Variants in PDK1 observed in about 807,000 individuals in gnomAD.
PDK1 encodes the protein [Pyruvate dehydrogenase (acetyl-transferring)] kinase isozyme 1, mitochondrial.
In PDK1, 39 loss-of-function variants were observed where a neutral mutation model predicts 54.2. That is an observed-to-expected ratio of 0.72 (90% CI 0.56 to 0.94). PDK1 has a LOEUF of 0.94. Ranked by LOEUF, PDK1 falls within the 40% of genes least tolerant of loss-of-function variation. The probability of loss-of-function intolerance (pLI) is 0.00; values close to 1 mark genes in which losing one functional copy is unlikely to be tolerated. For synonymous variants in PDK1, 221 were observed against 207.1 expected, an observed-to-expected ratio of 1.07 and a Z score of -0.58; for missense variants, 552 against 566.0, an observed-to-expected ratio of 0.98 and a Z score of 0.25.
At chr2:172,629,551 C>T in the PDK1 span, among the ~76,000 whole-genome samples, 7 of 152,172 alleles carry the variant, frequency 4.6e-5, no homozygotes, top group Non-Finnish European at 8.8e-5. Context: ...CCCCCTATCC[C>T]GCTGAGAGCC....
chr2:172,620,563 C>A, the PDK1 span, among the ~76,000 whole-genome samples: 4 of 152,158 alleles, frequency 2.6e-5, no homozygotes, highest in Non-Finnish European at 5.9e-5. Context: ...CTGTCTCCCC[C>A]ACTCAAATCT....
chr2:172,622,627 C>CATAT, the PDK1 span, among the ~76,000 whole-genome samples: 6 of 139,842 alleles, frequency 4.3e-5, no homozygotes, highest in Admixed American at 2.9e-4. Flanking sequence ...ATGTTTATCT[C>CATAT]ATTATGTGAG....
chr2:172,721,338 G>A, the PDK1 span, among the ~76,000 whole-genome samples: 1 of 152,138 alleles, frequency 6.6e-6, no homozygotes, highest in Non-Finnish European at 1.5e-5. Context: ...AACTCCCATT[G>A]TATCTTTTTG....
chr2:172,627,340 C>T, the PDK1 span, among the ~76,000 whole-genome samples: 3 of 151,992 alleles, frequency 2.0e-5, no homozygotes, highest in Admixed American at 2.0e-4. Flanking sequence ...ATAAAATACT[C>T]TGTTGTGCCA....
At chr2:172,700,325 G>GCT in the PDK1 span, among the ~76,000 whole-genome samples, 1 of 149,648 alleles carries the variant, frequency 6.7e-6, no homozygotes, top group Non-Finnish European at 1.5e-5. Flanking sequence ...CTTCCCAGAC[G>GCT]GGGCGGCCGG....
the PDK1 span, among the ~76,000 whole-genome samples, chr2:172,690,037 AG>A: frequency 6.6e-6 from 1 of 150,476 alleles, no homozygotes; most frequent in Admixed American, 6.8e-5. Flanking sequence ...GCACAGCAAA[AG>A]AAACTACCTT....
chr2:172,601,542 C>T lies in PDK1; in HGVS notation c.*5573C>T, dbSNP rs1691116323. On this transcript the variant is annotated 3_prime_UTR_variant, in exon 11 of 11. Transcript: ENST00000282077. ...GGTAGTTCCTCCTGCATTCATTCTTCCTGCTGCCCTGTGAAGAGGTGCCTT... is the reference window on the plus strand; with the variant it reads ...GGTAGTTCCTCCTGCATTCATTCTTTCTGCTGCCCTGTGAAGAGGTGCCTT... 6.6e-6 allele frequency: 1 copy of T among 152,198 alleles called. No individual in the cohort carries two copies. Among genetic ancestry groups the T allele is most frequent in the Admixed American group, 6.6e-5 (1 of 15,266 alleles). 9.4% of individuals were successfully genotyped at this position (152,198 alleles called of 1,614,324 possible).
At chr2:172,655,120 C>G in the PDK1 span, among the ~76,000 whole-genome samples, 1 of 152,184 alleles carries the variant, frequency 6.6e-6, no homozygotes, top group African/African-American at 2.4e-5. Flanking sequence ...GGAGCTCCCC[C>G]GCTATCCAGC....
At chr2:172,698,410 C>T in the PDK1 span, among the ~76,000 whole-genome samples, 2 of 152,302 alleles carry the variant, frequency 1.3e-5, no homozygotes, top group Admixed American at 6.5e-5. Flanking sequence ...AAGAAAAGCA[C>T]CTTCCTCAGC....
the PDK1 span, among the ~76,000 whole-genome samples, chr2:172,700,676 G>A: frequency 1.3e-5 from 2 of 152,134 alleles, no homozygotes; most frequent in Non-Finnish European, 2.9e-5. Flanking sequence ...AGGTTGTAGC[G>A]GGCAGAGATC....
intron 1 of PDK1, 75 bp downstream of exon 1, chr2:172,556,421 G>C (rs1688326682): frequency 1.7e-6 from 2 of 1,146,562 alleles, no homozygotes; most frequent in African/African-American, 3.2e-5. Context: ...CCCAGGCCGG[G>C]TCGGCGCCGG....
At chr2:172,654,838 C>G in the PDK1 span, among the ~76,000 whole-genome samples, 5 of 152,118 alleles carry the variant, frequency 3.3e-5, no homozygotes, top group Non-Finnish European at 7.4e-5. Flanking sequence ...TACGGCCTCC[C>G]TACCTGGCTA....
At chr2:172,652,132 G>T in the PDK1 span, among the ~76,000 whole-genome samples, 4 of 152,280 alleles carry the variant, frequency 2.6e-5, no homozygotes, top group Non-Finnish European at 4.4e-5. Flanking sequence ...GACCAAGTTG[G>T]CTTCATCCCT....
At chr2:172,715,746 A>C in the PDK1 span, among the ~76,000 whole-genome samples, 1 of 152,206 alleles carries the variant, frequency 6.6e-6, no homozygotes, top group Non-Finnish European at 1.5e-5. Flanking sequence ...GTTACATGTG[A>C]ACTGCCTCCC....
the PDK1 span, among the ~76,000 whole-genome samples, chr2:172,665,965 G>A: frequency 1.2e-4 from 18 of 152,174 alleles, no homozygotes. Context: ...AAGCCAAAAG[G>A]TAAGGATGAT....
the PDK1 span, among the ~76,000 whole-genome samples, chr2:172,690,566 G>T: frequency 6.7e-6 from 1 of 149,918 alleles, no homozygotes; most frequent in African/African-American, 2.4e-5. Context: ...GTTTACTGCG[G>T]CACTGTTCAC....
the PDK1 span, among the ~76,000 whole-genome samples, chr2:172,635,401 C>T: frequency 2.0e-5 from 3 of 152,144 alleles, no homozygotes; most frequent in Admixed American, 1.3e-4. Context: ...GTGTAACCTC[C>T]CCCTCCCGGG....
chr2:172,617,183 C>A, the PDK1 span, among the ~76,000 whole-genome samples: 1 of 152,032 alleles, frequency 6.6e-6, no homozygotes, highest in South Asian at 2.1e-4. Context: ...AAACTCCTGA[C>A]CTCAAGTCAT....
intron 10 of PDK1, among the ~76,000 whole-genome samples, chr2:172,593,786 C>T (rs1690736594): frequency 6.6e-6 from 1 of 152,134 alleles, no homozygotes; most frequent in African/African-American, 2.4e-5. Flanking sequence ...GGGTTCCACA[C>T]ATTTTACATG....
Sources: gnomAD v4.1 joint callset for allele counts (sites outside exome capture counted in the v4.1 genomes callset) on GRCh38, gnomAD v4.1.1 for gene constraint, MANE v1.5 for transcripts, NCBI Gene and HGNC (gene_info 2026-07-23, HGNC 2026-07-21) for gene names.